Variants in VIPAS39 observed in about 807,000 individuals in gnomAD.
VIPAS39 encodes the protein spermatogenesis-defective protein 39 homolog.
VIPAS39 carries 63 observed loss-of-function variants against 84.7 expected under a neutral mutation model. The ratio of observed to expected loss-of-function variants is 0.74; its 90% confidence interval spans 0.61 to 0.92. The LOEUF (loss-of-function observed/expected upper bound fraction) is 0.92. VIPAS39 is among the 40% of genes least tolerant of loss of function. VIPAS39 has a pLI of 0.00. For synonymous variants in VIPAS39, 192 were observed against 216.5 expected, an observed-to-expected ratio of 0.89 and a Z score of 0.99; for missense variants, 499 against 604.5, an observed-to-expected ratio of 0.83 and a Z score of 1.83.
Position 77,448,494 on chromosome 14 carries a change from C to T in VIPAS39, c.504G>A (p.Lys168=), listed in dbSNP as rs778168244. 5.0e-6 allele frequency: 8 copies of T among 1,614,152 alleles called. No homozygotes were observed. The highest frequency in any genetic ancestry group is 6.8e-6 in the Non-Finnish European group (8 of 1,180,010). Residue 168 remains lysine, a splice_region_variant and synonymous_variant, in exon 7 of 20, where the codon AAG becomes AAA. Coordinates refer to ENST00000557658, the MANE Select transcript of VIPAS39 (RefSeq NM_001193315.2). The part of the protein sequence containing the change: ...SDTVRRLRKG[K]VCSLERFRSL... ...CCTCACAAAAATTCTCTGTCCTTAC[C>T]TTGCCCTTCCGGAGACGTCGCACTG...
Position 77,435,268 on chromosome 14 carries a change from T to C in VIPAS39, c.1038A>G (p.Thr346=), listed in dbSNP as rs548346263. The C allele has an allele frequency of 1.1e-5, 17 of 1,614,134 alleles. No individual in the cohort carries two copies. In the African/African-American group the frequency reaches 1.9e-4, roughly 18 times the overall value. Residue 346 remains threonine (T), a synonymous_variant, in exon 14 of 20, where the codon ACA becomes ACG. Transcript: ENST00000557658. ...CATATTTTGCCTGTACCTCAGCCTC[T>C]GTGTAGTGATAGAAGCAGGAGTAGA... ...TLFYSCFYHY[T]EAEGTFSSPV... is the part of the protein sequence containing the mutation.
chr14:77,433,619 A>G (rs1016249072), intron 16 of VIPAS39, among the ~76,000 whole-genome samples: 5 of 152,232 alleles, frequency 3.3e-5, no homozygotes, highest in African/African-American at 9.6e-5. Context: ...ACATGGCAAA[A>G]TTGTTAATAA....
chr14:77,434,339 T>C (rs1177505934), intron 14 of VIPAS39, 36 bp from the exon 15 acceptor site: 2 of 1,606,330 alleles, frequency 1.2e-6, no homozygotes, highest in Admixed American at 3.3e-5. Flanking sequence ...TTAGTGATAT[T>C]GACTTTCCCA....
Position 77,434,297 on chromosome 14 carries a change from A to G in VIPAS39, c.1054T>C (p.Phe352Leu). Residue 352 changes from phenylalanine to leucine, a missense_variant, in exon 15 of 20, where the codon TTC becomes CTC. Physicochemically the swap from Phe to Leu is conservative, Grantham distance 22 (BLOSUM62 0). Coordinates refer to ENST00000557658, the MANE Select transcript of VIPAS39 (RefSeq NM_001193315.2). ...FYHYTEAEGT[F>L]SSPVNLKKTF... ...TTCTTCAGGTTGACGGGACTGCTGA[A>G]TGTCCCCTAGGATGAAAGTGAAAAA... 1 of 1,614,108 alleles carries G rather than the reference A, an allele frequency of 6.2e-7. No individual in the cohort carries two copies. Among genetic ancestry groups the G allele is most frequent in the South Asian group, 1.1e-5 (1 of 91,086 alleles).
chr14:77,453,315 A>G lies in VIPAS39; in HGVS notation c.180T>C (p.Ser60=), dbSNP rs865915785. The part of the protein sequence containing the change: ...DDDDLERVSW[S]GEPVGSISWS... ...TCTACTTACTTCCCACAGGTTCCCC[A>G]CTCCAGCTGACTCGCTCCAGGTCAT... Residue 60 remains serine (S), a synonymous_variant, in exon 3 of 20, where the codon AGT becomes AGC. Transcript: ENST00000557658. The G allele has an allele frequency of 6.2e-7, 1 of 1,613,416 alleles. No homozygotes were observed.
At chr14:77,449,856 G>C (rs2139870533) in intron 4 of VIPAS39, 104 bp from the exon 5 acceptor site, 1 of 1,301,156 alleles carries the variant, frequency 7.7e-7, no homozygotes, top group South Asian at 1.2e-5. Flanking sequence ...ACGCAATATA[G>C]GAACTTAAGG....
rs2078476852 is a variant in VIPAS39, at chr14:77,428,994, T to C, written c.1356+12A>G. The C allele has an allele frequency of 6.2e-7, 1 of 1,612,602 alleles. No individual in the cohort carries two copies. Among genetic ancestry groups the C allele is most frequent in the South Asian group, 1.1e-5 (1 of 91,046 alleles). On this transcript the variant is annotated intron_variant, in intron 18 of 19. Coordinates refer to ENST00000557658, the MANE Select transcript of VIPAS39 (RefSeq NM_001193315.2). Reference sequence around the variant, plus strand: ...GGATCTAACGGAGGACTCCCATTTCTTGGGGACTCACATCAATGACGACAT... The same window carrying C: ...GGATCTAACGGAGGACTCCCATTTCCTGGGGACTCACATCAATGACGACAT...
At chr14:77,433,811 G>A (rs930418798) in intron 16 of VIPAS39, 31 bp downstream of exon 16, 19 of 1,602,618 alleles carry the variant, frequency 1.2e-5, no homozygotes, top group Admixed American at 1.2e-4. Context: ...TGTCTCCCAA[G>A]GCCTCAGCAG....
At chr14:77,447,143 G>A (rs1269952244) in intron 7 of VIPAS39, among the ~76,000 whole-genome samples, 1 of 151,240 alleles carries the variant, frequency 6.6e-6, no homozygotes, top group Non-Finnish European at 1.5e-5. Flanking sequence ...TCTTGCCTCA[G>A]CCTCCTGAGA....
chr14:77,442,463 G>A, intron 10 of VIPAS39, 97 bp downstream of exon 10: 1 of 1,029,526 alleles, frequency 9.7e-7, no homozygotes, highest in Admixed American at 1.7e-5. Context: ...GCACTTCCAG[G>A]AAAAGGGCAG....
chr14:77,457,545 G>C lies in VIPAS39; in HGVS notation c.-51C>G. ...CAGGACAGCGCCAGCCTCCGCCGCC[G>C]CTGGACCAGCCCTTCTATTCAGGCT... On this transcript the variant is annotated 5_prime_UTR_variant, in exon 1 of 20. Coordinates refer to ENST00000557658, the MANE Select transcript of VIPAS39 (RefSeq NM_001193315.2). 1 of 677,478 alleles carries C rather than the reference G, an allele frequency of 1.5e-6. No individual in the cohort carries two copies. The highest frequency in any genetic ancestry group is 2.5e-6 in the Non-Finnish European group (1 of 402,696). 42.0% of individuals were successfully genotyped at this position (677,478 alleles called of 1,614,324 possible). A position where few individuals can be genotyped will look rare whatever the true frequency, so the allele number is the denominator to read the frequency against.
Position 77,428,446 on chromosome 14 carries a change from T to A in VIPAS39, c.1385A>T (p.Gln462Leu). The stretch of plus-strand genomic sequence containing the variant: ...TACCTTACTCCTGTATGCTAGCAAC[T>A]GTTGACGATCCTTCAGGTCCCGGTA... ...DTYRDLKDRQ[Q>L]LLAYRSKVDK... Residue 462 changes from glutamine to leucine, a missense_variant, in exon 19 of 20, where the codon CAG becomes CTG. Transcript: ENST00000557658. The A allele has an allele frequency of 6.2e-7, 1 of 1,614,102 alleles. No individual in the cohort carries two copies. Among genetic ancestry groups the A allele is most frequent in the Non-Finnish European group, 8.5e-7 (1 of 1,179,992 alleles).
chr14:77,444,965 T>TG (rs2078764668), intron 7 of VIPAS39, among the ~76,000 whole-genome samples: 1 of 146,284 alleles, frequency 6.8e-6, no homozygotes. Context: ...GTTCAGTGAT[T>TG]TTTTTTTTTT....
chr14:77,453,870 T>C, intron 2 of VIPAS39, 140 bp downstream of exon 2: 1 of 799,212 alleles, frequency 1.3e-6, no homozygotes, highest in African/African-American at 1.7e-5. Context: ...GGCAGTGAGC[T>C]GGATTTTACA....
At chr14:77,452,370 A>G (rs919721030) in intron 3 of VIPAS39, among the ~76,000 whole-genome samples, 3 of 152,188 alleles carry the variant, frequency 2.0e-5, no homozygotes, top group Admixed American at 1.3e-4. Flanking sequence ...GAGAAGATAC[A>G]TAACAATATG....
intron 2 of VIPAS39, 126 bp downstream of exon 2, chr14:77,453,884 C>T (rs1021708080): frequency 3.5e-6 from 3 of 859,468 alleles, no homozygotes; most frequent in Non-Finnish European, 5.8e-6. Context: ...TTTTACAATC[C>T]TTCTGGCTCT....
chr14:77,451,089 C>T lies in VIPAS39; in HGVS notation c.343+98G>A, dbSNP rs17105800. 5.6e-3 allele frequency: 8,746 copies of T among 1,570,634 alleles called. 423 individuals carry two copies. In the African/African-American group the frequency reaches 0.11, roughly 19 times the overall value. Reference sequence around the variant, plus strand: ...CCTCCAATGAGAATGCTTTACCCTTCAATAATCTTTTTCTTACAAAGTAAA... The same window carrying T: ...CCTCCAATGAGAATGCTTTACCCTTTAATAATCTTTTTCTTACAAAGTAAA... On this transcript the variant is annotated intron_variant, in intron 4 of 19. Coordinates refer to ENST00000557658, the MANE Select transcript of VIPAS39 (RefSeq NM_001193315.2).
chr14:77,431,932 A>C (rs1024500391), intron 16 of VIPAS39, among the ~76,000 whole-genome samples: 1 of 152,220 alleles, frequency 6.6e-6, no homozygotes, highest in Non-Finnish European at 1.5e-5. Context: ...TAGCCAAGAT[A>C]AGGAAACAAC....
rs1445690547 is a variant in VIPAS39, at chr14:77,444,346, C to A, written c.505-5G>T. ...GAATCTCTCTAGTGAGCAAACCTGG[C>A]AGAATAACACTAGAATTAGTACACA... On this transcript the variant is annotated splice_polypyrimidine_tract_variant and splice_region_variant and intron_variant, in intron 7 of 19. Transcript: ENST00000557658. 6.2e-7 allele frequency: 1 copy of A among 1,610,792 alleles called. No individual in the cohort carries two copies. The highest frequency in any genetic ancestry group is 8.5e-7 in the Non-Finnish European group (1 of 1,177,340).
Sources: gnomAD v4.1 joint callset for allele counts (sites outside exome capture counted in the v4.1 genomes callset) on GRCh38, gnomAD v4.1.1 for gene constraint, MANE v1.5 for transcripts, NCBI Gene and HGNC (gene_info 2026-07-23, HGNC 2026-07-21) for gene names.